The following GUCY1A2 variants were observed in gnomAD, a reference collection of about 807,000 sequenced individuals.
GUCY1A2 encodes guanylate cyclase soluble subunit alpha-2.
GUCY1A2 carries 27 observed loss-of-function variants against 63.5 expected under a neutral mutation model. The ratio of observed to expected loss-of-function variants is 0.43; its 90% CI spans 0.31 to 0.59. The LOEUF is 0.59. Among genes scored for constraint, GUCY1A2 ranks in the 20% least tolerant of loss-of-function variants. The pLI, the probability that GUCY1A2 is intolerant of heterozygous loss-of-function variation, is 0.11. For missense variants in GUCY1A2, 768 were observed against 913.3 expected, an observed-to-expected ratio of 0.84 and a Z score of 2.05; for synonymous variants, 364 against 343.5, an observed-to-expected ratio of 1.06 and a Z score of -0.66.
Position 107,018,158 on chromosome 11 carries a change from G to T in GUCY1A2, c.-103C>A, listed in dbSNP as rs1239420275. 2 of 583,040 alleles carry T rather than the reference G, an allele frequency of 3.4e-6. No homozygotes were observed. The highest frequency in any genetic ancestry group is 4.0e-5 in the African/African-American group (2 of 49,692). The allele number at this position is 583,040 out of a possible 1,614,324, so 36.1% of individuals were successfully genotyped here. A position where few individuals can be genotyped will look rare whatever the true frequency, so the allele number is the denominator to read the frequency against. ...GGCAAGCGACAACGTTAAGCGCGTC[G>T]GGGCCGCGGGGCGCTGCGGTCGCGC... On this transcript the variant is annotated 5_prime_UTR_variant, in exon 1 of 8. Transcript: ENST00000526355.
chr11:106,795,752 T>A (rs1864746833), intron 5 of GUCY1A2, among the ~76,000 whole-genome samples: 2 of 152,168 alleles, frequency 1.3e-5, no homozygotes, highest in Non-Finnish European at 2.9e-5. Flanking sequence ...TAAAAGATGT[T>A]TGCAAAAATA....
At chr11:106,732,237 T>A (rs1591252569) in intron 6 of GUCY1A2, among the ~76,000 whole-genome samples, 1 of 152,120 alleles carries the variant, frequency 6.6e-6, no homozygotes, top group Admixed American at 6.5e-5. Flanking sequence ...CCTACAACCA[T>A]CTGATCTTTG....
chr11:106,996,105 G>A (rs1861531573), intron 1 of GUCY1A2, among the ~76,000 whole-genome samples: 1 of 152,154 alleles, frequency 6.6e-6, no homozygotes, highest in Non-Finnish European at 1.5e-5. Context: ...TAAACCAGTG[G>A]CAGAGAATTT....
intron 4 of GUCY1A2, among the ~76,000 whole-genome samples, chr11:106,818,881 C>T (rs547854284): frequency 2.6e-5 from 4 of 152,178 alleles, no homozygotes; most frequent in Non-Finnish European, 4.4e-5. Flanking sequence ...CAGAGAAAGG[C>T]GGCCTTAGAT....
intron 6 of GUCY1A2, among the ~76,000 whole-genome samples, chr11:106,744,498 T>C (rs1863753142): frequency 1.3e-5 from 2 of 152,182 alleles, no homozygotes; most frequent in African/African-American, 4.8e-5. Flanking sequence ...TCCCAAAGAA[T>C]TTAACTTTTA....
chr11:106,812,202 C>T (rs941365528), intron 4 of GUCY1A2, among the ~76,000 whole-genome samples: 8 of 151,694 alleles, frequency 5.3e-5, no homozygotes, highest in Non-Finnish European at 8.8e-5. Flanking sequence ...TTGACATAAG[C>T]GCAAAAACCT....
At chr11:106,721,204 G>A (rs1202890283) in intron 6 of GUCY1A2, among the ~76,000 whole-genome samples, 5 of 151,862 alleles carry the variant, frequency 3.3e-5, no homozygotes, top group East Asian at 1.9e-4. Context: ...GACTACAGGC[G>A]TGCGCCACCA....
intron 4 of GUCY1A2, among the ~76,000 whole-genome samples, chr11:106,837,468 T>C (rs916691455): frequency 1.3e-5 from 2 of 152,072 alleles, no homozygotes; most frequent in Admixed American, 6.6e-5. Flanking sequence ...TGTGCCTGTA[T>C]CATTATGGTA....
chr11:106,824,866 C>T (rs1858946395), intron 4 of GUCY1A2: 1 of 1,611,788 alleles, frequency 6.2e-7, no homozygotes, highest in Non-Finnish European at 8.5e-7. Context: ...GAAAAAAATT[C>T]AGGCAACTTC....
chr11:106,979,262 T>C (rs917006220), intron 2 of GUCY1A2, among the ~76,000 whole-genome samples: 11 of 152,206 alleles, frequency 7.2e-5, no homozygotes, highest in African/African-American at 2.2e-4. Context: ...AAGACCATCC[T>C]GGCTAACACG....
chr11:106,936,438 C>G (rs1015158144), intron 4 of GUCY1A2, among the ~76,000 whole-genome samples: 3 of 152,116 alleles, frequency 2.0e-5, no homozygotes, highest in African/African-American at 4.8e-5. Context: ...TTCATTCATA[C>G]TTAATGTTTG....
At chr11:106,708,412 G>T in intron 7 of GUCY1A2, 100 bp downstream of exon 7, 2 of 914,326 alleles carry the variant, frequency 2.2e-6, no homozygotes, top group Non-Finnish European at 3.3e-6. Context: ...ATATCTTGGA[G>T]AATGACAGGA....
chr11:106,932,569 C>T (rs1157653208), intron 4 of GUCY1A2, among the ~76,000 whole-genome samples: 1 of 152,110 alleles, frequency 6.6e-6, no homozygotes, highest in Non-Finnish European at 1.5e-5. Flanking sequence ...AGATTCAATG[C>T]TATTCCTATC....
At position 106,697,582 on chromosome 11, in the gene GUCY1A2, CAATAT is replaced by C. The variant is rs1415147265; in HGVS notation, c.1992-9831_1992-9827del. On this transcript the variant is annotated intron_variant, in intron 7 of 7. Transcript: ENST00000526355. Reference sequence around the variant, plus strand: ...CAACATAGTACCATATACGAACAAACAATATAATATAAAATTTTGCCATTTCCTTC... The same window carrying C: ...CAACATAGTACCATATACGAACAAACAATATAAAATTTTGCCATTTCCTTC... Among the ~76,000 whole-genome samples the C allele has an allele frequency of 3.9e-5, 6 of 151,994 alleles. No individual in the cohort carries two copies. In the East Asian group the frequency reaches 1.2e-3, roughly 29 times the overall value.
At chr11:106,992,353 C>G (rs926736939) in intron 1 of GUCY1A2, among the ~76,000 whole-genome samples, 11 of 140,100 alleles carry the variant, frequency 7.9e-5, no homozygotes, top group Middle Eastern at 3.6e-3. Context: ...TTTTTGATAC[C>G]GAGTCTCGCT....
intron 6 of GUCY1A2, among the ~76,000 whole-genome samples, chr11:106,718,920 C>G (rs1167320763): frequency 6.6e-6 from 1 of 152,046 alleles, no homozygotes; most frequent in Non-Finnish European, 1.5e-5. Context: ...GATTTTGATT[C>G]TCATATGTAG....
intron 6 of GUCY1A2, among the ~76,000 whole-genome samples, chr11:106,744,992 A>C (rs895962566): frequency 2.6e-5 from 4 of 152,196 alleles, no homozygotes; most frequent in African/African-American, 9.6e-5. Context: ...CTTTGTATAA[A>C]ATTATTTAAA....
intron 6 of GUCY1A2, among the ~76,000 whole-genome samples, chr11:106,750,361 T>C (rs938465450): frequency 6.6e-6 from 1 of 152,098 alleles, no homozygotes; most frequent in Non-Finnish European, 1.5e-5. Context: ...CCTAGCTCAC[T>C]GAGGCAAATG....
At chr11:106,942,124 C>G (rs1860760013) in intron 3 of GUCY1A2, among the ~76,000 whole-genome samples, 1 of 152,202 alleles carries the variant, frequency 6.6e-6, no homozygotes, top group Non-Finnish European at 1.5e-5. Context: ...GTCTCCTGTT[C>G]CAACTGCTCT....
Sources: allele counts gnomAD v4.1 joint callset (sites outside exome capture counted in the v4.1 genomes callset), GRCh38; gene constraint gnomAD v4.1.1; transcripts MANE v1.5; gene names NCBI Gene and HGNC (gene_info 2026-07-23, HGNC 2026-07-21).